The following PCCA variants were observed in gnomAD, a reference collection of about 807,000 sequenced individuals.
PCCA encodes the protein propionyl-CoA carboxylase alpha chain, mitochondrial.
In PCCA, 74 loss-of-function variants were observed where a neutral mutation model predicts 101.3. The observed-to-expected ratio is 0.73, with a 90% CI of 0.61 to 0.89. The LOEUF is 0.89. PCCA is among the 40% of genes least tolerant of loss of function. The pLI is 0.00. For missense variants in PCCA, 891 were observed against 907.0 expected (o/e 0.98, Z 0.23); for synonymous variants, 294 against 313.6 (o/e 0.94, Z 0.66).
intron 21 of PCCA, among the ~76,000 whole-genome samples, chr13:100,470,699 T>A (rs1216531545): frequency 6.6e-6 from 1 of 151,862 alleles, no homozygotes; most frequent in Non-Finnish European, 1.5e-5. Context: ...AATAAAAATA[T>A]GAAAACTAGC....
At chr13:100,217,213 G>A (rs1263827574) in intron 7 of PCCA, among the ~76,000 whole-genome samples, 2 of 152,128 alleles carry the variant, frequency 1.3e-5, no homozygotes, top group Admixed American at 1.3e-4. Flanking sequence ...TTGGGAGGCC[G>A]AGGTGGGTGG....
At chr13:100,304,933 G>A (rs1277985232) in intron 14 of PCCA, among the ~76,000 whole-genome samples, 1 of 151,982 alleles carries the variant, frequency 6.6e-6, no homozygotes, top group Non-Finnish European at 1.5e-5. Context: ...ATCATGTTTT[G>A]TAAATTTGTT....
At chr13:100,160,217 T>C (rs1345863808) in intron 6 of PCCA, among the ~76,000 whole-genome samples, 5 of 152,096 alleles carry the variant, frequency 3.3e-5, no homozygotes, top group African/African-American at 1.2e-4. Flanking sequence ...AAAAAGATCA[T>C]GTGGGCCGGG....
chr13:100,199,770 T>G (rs2058358680), intron 6 of PCCA, among the ~76,000 whole-genome samples: 2 of 152,234 alleles, frequency 1.3e-5, no homozygotes, highest in Non-Finnish European at 2.9e-5. Flanking sequence ...AAACCCTTCT[T>G]CTCATTTACT....
intron 17 of PCCA, among the ~76,000 whole-genome samples, chr13:100,332,037 C>T (rs1270862050): frequency 1.4e-5 from 2 of 142,756 alleles, no homozygotes; most frequent in African/African-American, 5.1e-5. Flanking sequence ...CTTCCGGTTT[C>T]AAGCGATTCT....
intron 21 of PCCA, chr13:100,491,766 G>T: frequency 8.3e-7 from 1 of 1,202,402 alleles, no homozygotes; most frequent in Admixed American, 3.6e-5. Flanking sequence ...AAGCTCTTTT[G>T]GATTTGTAAC....
intron 12 of PCCA, among the ~76,000 whole-genome samples, chr13:100,282,760 G>C (rs903535930): frequency 7.2e-5 from 11 of 152,146 alleles, no homozygotes; most frequent in Non-Finnish European, 1.3e-4. Flanking sequence ...AATACCTTAT[G>C]TCCAAGCTTT....
At chr13:100,150,506 G>T in intron 4 of PCCA, 1 of 1,340,330 alleles carries the variant, frequency 7.5e-7, no homozygotes, top group Non-Finnish European at 1.0e-6. Context: ...GAGCGGGAGA[G>T]TATTGCGCCT....
chr13:100,506,429 T>G (rs977695591), intron 21 of PCCA, among the ~76,000 whole-genome samples: 3 of 152,144 alleles, frequency 2.0e-5, no homozygotes, highest in African/African-American at 7.2e-5. Context: ...TGCTTCAGTT[T>G]TCTTGGCCGA....
At chr13:100,201,993 T>C (rs1340465166) in intron 6 of PCCA, among the ~76,000 whole-genome samples, 1 of 151,728 alleles carries the variant, frequency 6.6e-6, no homozygotes, top group Non-Finnish European at 1.5e-5. Context: ...TGTTGTTAAA[T>C]TTTCTCTGCC....
chr13:100,340,662 G>T (rs754986218), intron 18 of PCCA, among the ~76,000 whole-genome samples: 9 of 152,204 alleles, frequency 5.9e-5, no homozygotes, highest in Non-Finnish European at 1.2e-4. Flanking sequence ...ACACAAGAAG[G>T]AATTAACACC....
intron 11 of PCCA, 78 bp from the exon 12 acceptor site, chr13:100,273,118 A>G (rs2063408286): frequency 9.4e-7 from 1 of 1,065,426 alleles, no homozygotes; most frequent in South Asian, 1.3e-5. Flanking sequence ...AAACTTTAAG[A>G]AAATGTTTAT....
chr13:100,178,352 A>T (rs2056433394), intron 6 of PCCA, among the ~76,000 whole-genome samples: 1 of 152,228 alleles, frequency 6.6e-6, no homozygotes, highest in Non-Finnish European at 1.5e-5. Context: ...AAAATAGAAA[A>T]TTTAGGTCTT....
At chr13:100,319,944 G>GA (rs1566928304) in intron 16 of PCCA, among the ~76,000 whole-genome samples, 2 of 152,096 alleles carry the variant, frequency 1.3e-5, no homozygotes, top group Non-Finnish European at 2.9e-5. Flanking sequence ...CACGATATTA[G>GA]TTCTTCCTAT....
intron 6 of PCCA, among the ~76,000 whole-genome samples, chr13:100,192,995 G>T (rs1003800099): frequency 6.6e-6 from 1 of 152,138 alleles, no homozygotes; most frequent in Non-Finnish European, 1.5e-5. Context: ...TACTTAACCA[G>T]CCTGCTTCCG....
chr13:100,484,489 C>G (rs1403864168), intron 21 of PCCA, among the ~76,000 whole-genome samples: 1 of 152,208 alleles, frequency 6.6e-6, no homozygotes. Context: ...CTGGTCGCCT[C>G]TGCACTCCCA....
chr13:100,366,449 G>A (rs1405799654), intron 18 of PCCA, among the ~76,000 whole-genome samples: 1 of 152,050 alleles, frequency 6.6e-6, no homozygotes, highest in Admixed American at 6.6e-5. Context: ...CCAGGAGCTG[G>A]AGATACAAAA....
At chr13:100,171,516 T>C (rs2055637717) in intron 6 of PCCA, among the ~76,000 whole-genome samples, 1 of 152,226 alleles carries the variant, frequency 6.6e-6, no homozygotes, top group Non-Finnish European at 1.5e-5. Flanking sequence ...TTAGTATAAT[T>C]ACTTCCATGT....
chr13:100,282,345 G>T (rs960415397), intron 12 of PCCA, among the ~76,000 whole-genome samples: 1 of 152,240 alleles, frequency 6.6e-6, no homozygotes, highest in African/African-American at 2.4e-5. Context: ...CAACTTTGGC[G>T]GCACTTGAGG....
Sources: allele counts gnomAD v4.1 joint callset (sites outside exome capture counted in the v4.1 genomes callset), GRCh38; gene constraint gnomAD v4.1.1; transcripts MANE v1.5; gene names NCBI Gene and HGNC (gene_info 2026-07-23, HGNC 2026-07-21).